The following ERICH6B variants were observed in gnomAD, a reference collection of about 807,000 sequenced individuals.
ERICH6B encodes the protein glutamate-rich protein 6B.
Under a neutral mutation model 80.0 loss-of-function variants are expected in ERICH6B, and 69 were observed. The ratio of observed to expected loss-of-function variants is 0.86; its 90% CI spans 0.71 to 1.05. The LOEUF (loss-of-function observed/expected upper bound fraction) is 1.05. ERICH6B is among the 50% of genes least tolerant of loss of function. The pLI, the probability that ERICH6B is intolerant of heterozygous loss-of-function variation, is 0.00. For synonymous variants in ERICH6B, 283 were observed against 291.9 expected, an observed-to-expected ratio of 0.97 and a Z score of 0.31; for missense variants, 754 against 796.1, an observed-to-expected ratio of 0.95 and a Z score of 0.64.
chr13:45,568,991 A>T (rs777787764), intron 8 of ERICH6B, among the ~76,000 whole-genome samples: 5 of 152,206 alleles, frequency 3.3e-5, no homozygotes, highest in Non-Finnish European at 7.3e-5. Context: ...GCATTCTACA[A>T]ATGGCCAAGC....
At chr13:45,550,845 ACC>A (rs745637428) in intron 11 of ERICH6B, among the ~76,000 whole-genome samples, 6 of 151,970 alleles carry the variant, frequency 3.9e-5, no homozygotes, top group Non-Finnish European at 7.4e-5. Flanking sequence ...TCTTAGGAGG[ACC>A]CCATATTGGA....
intron 5 of ERICH6B, among the ~76,000 whole-genome samples, chr13:45,586,124 C>T (rs536900654): frequency 1.4e-4 from 22 of 152,240 alleles, no homozygotes; most frequent in Non-Finnish European, 3.1e-4. Context: ...TCCGTGGGAG[C>T]ACACACGCTG....
chr13:45,592,019 G>A (rs919163882), intron 3 of ERICH6B, among the ~76,000 whole-genome samples: 6 of 152,130 alleles, frequency 3.9e-5, no homozygotes, highest in African/African-American at 1.2e-4. Flanking sequence ...GAGGAGAAGC[G>A]ACTAGAAGAG....
intron 2 of ERICH6B, among the ~76,000 whole-genome samples, chr13:45,604,730 G>A (rs1412852466): frequency 3.3e-5 from 5 of 151,882 alleles, no homozygotes; most frequent in Admixed American, 3.3e-4. Flanking sequence ...CCAAGAAGAA[G>A]CCTAGCTACC....
At chr13:45,549,549 C>A (rs1362201434) in intron 13 of ERICH6B, among the ~76,000 whole-genome samples, 3 of 152,172 alleles carry the variant, frequency 2.0e-5, no homozygotes, top group African/African-American at 4.8e-5. Context: ...CGTCACCAAA[C>A]CCTCCTCTCT....
At chr13:45,587,306 G>A in intron 4 of ERICH6B, 74 bp from the exon 5 acceptor site, 2 of 1,325,956 alleles carry the variant, frequency 1.5e-6, no homozygotes, top group Non-Finnish European at 2.1e-6. Flanking sequence ...AGGCATGTTA[G>A]GGGTTGAGGG....
At chr13:45,542,299 A>G (rs1337675160) in intron 14 of ERICH6B, among the ~76,000 whole-genome samples, 1 of 152,152 alleles carries the variant, frequency 6.6e-6, no homozygotes, top group African/African-American at 2.4e-5. Flanking sequence ...CCATGTAATA[A>G]CCTATGTCCA....
chr13:45,604,759 TA>T (rs890295958), intron 2 of ERICH6B, among the ~76,000 whole-genome samples: 119 of 151,490 alleles, frequency 7.9e-4, no homozygotes, highest in African/African-American at 2.5e-3. Context: ...ACCCTATCTC[TA>T]AAAAAAACCT....
At chr13:45,613,945 A>G (rs935635850) in intron 1 of ERICH6B, among the ~76,000 whole-genome samples, 11 of 152,172 alleles carry the variant, frequency 7.2e-5, no homozygotes, top group African/African-American at 2.7e-4. Flanking sequence ...GAGGTCTGGA[A>G]GGGCTGAGGA....
At position 45,544,778 on chromosome 13, in the gene ERICH6B, G is replaced by T; in HGVS notation, c.1854C>A (p.Asn618Lys). Residue 618 changes from asparagine (N) to lysine (K), a missense_variant, in exon 14 of 15, where the codon AAC (asparagine) becomes AAA (lysine). Transcript: ENST00000298738. ...FTYEQKQICL[N>K]LGTRYKFVIP... ...ACCTTACCTTGTACCTGGTGCCCAG[G>T]TTTAAACAAATCTGCTTCTGTTCAT... The T allele has an allele frequency of 6.4e-7, 1 of 1,551,700 alleles. No homozygotes were observed. Among genetic ancestry groups the T allele is most frequent in the Middle Eastern group, 1.7e-4 (1 of 5,980 alleles).
In ERICH6B at chr13:45,560,181, A is replaced by G. The variant is rs184874044; in HGVS notation, c.1407+1188T>C. Among the ~76,000 whole-genome samples, 825 of 152,356 alleles carry G rather than the reference A, an allele frequency of 5.4e-3. 4 individuals are homozygous for G. The highest frequency in any genetic ancestry group is 0.014 in the Middle Eastern group (4 of 294). On this transcript the variant is annotated intron_variant, in intron 11 of 14. Transcript: ENST00000298738. The stretch of plus-strand genomic sequence containing the variant: ...TGCTTTAAAGTTTGTTTTGTCTGAC[A>G]TAAGAATAGCTACTCCTTCTCGCTT...
chr13:45,595,756 T>A (rs574010455), intron 3 of ERICH6B, among the ~76,000 whole-genome samples: 46 of 151,084 alleles, frequency 3.0e-4, no homozygotes, highest in African/African-American at 1.1e-3. Context: ...GATCCTCCTA[T>A]CTCAGCCTCT....
intron 13 of ERICH6B, among the ~76,000 whole-genome samples, chr13:45,549,009 C>T (rs997466635): frequency 5.3e-5 from 8 of 152,086 alleles, no homozygotes; most frequent in Admixed American, 1.3e-4. Context: ...TTTGGCTGGG[C>T]GCGGTGGCTC....
intron 13 of ERICH6B, among the ~76,000 whole-genome samples, chr13:45,546,130 G>C (rs1282404894): frequency 6.6e-6 from 1 of 152,170 alleles, no homozygotes; most frequent in East Asian, 1.9e-4. Flanking sequence ...CATATTGATA[G>C]GTACAAGGGA....
In ERICH6B at chr13:45,569,272, C is replaced by T. The variant is rs149186177; in HGVS notation, c.1051-821G>A. On this transcript the variant is annotated intron_variant, in intron 8 of 14. Coordinates refer to ENST00000298738, the MANE Select transcript of ERICH6B (RefSeq NM_182542.3). ...TCCTGAGTAGCTGGGATCACAGGCACGTGCCACCATGCCCAGCTAATTTTT... is the reference window on the plus strand; with the variant it reads ...TCCTGAGTAGCTGGGATCACAGGCATGTGCCACCATGCCCAGCTAATTTTT... 2.7e-3 allele frequency among the ~76,000 whole-genome samples: 416 copies of T among 152,256 alleles called. 2 individuals carry two copies. The highest frequency in any genetic ancestry group is 9.4e-3 in the African/African-American group (392 of 41,540).
chr13:45,605,271 A>G (rs1949851136), intron 2 of ERICH6B, among the ~76,000 whole-genome samples: 1 of 152,244 alleles, frequency 6.6e-6, no homozygotes, highest in Non-Finnish European at 1.5e-5. Flanking sequence ...AATTCTGCCC[A>G]GCATCAATAT....
intron 4 of ERICH6B, 77 bp downstream of exon 4, chr13:45,590,572 G>C: frequency 7.2e-7 from 1 of 1,392,146 alleles, no homozygotes; most frequent in East Asian, 2.5e-5. Context: ...TCCCTGTCCT[G>C]TGTTCTCCAA....
intron 1 of ERICH6B, among the ~76,000 whole-genome samples, chr13:45,611,685 C>T (rs915863061): frequency 6.6e-6 from 1 of 152,200 alleles, no homozygotes; most frequent in African/African-American, 2.4e-5. Flanking sequence ...GGGGTGACCC[C>T]AGACACAGGT....
intron 8 of ERICH6B, 98 bp downstream of exon 8, chr13:45,574,744 A>C: frequency 9.9e-6 from 9 of 907,056 alleles, no homozygotes; most frequent in Non-Finnish European, 1.6e-5. Context: ...CCAGGTCCTC[A>C]GAACCCAAGA....
Sources: gnomAD v4.1 joint callset for allele counts (sites outside exome capture counted in the v4.1 genomes callset) on GRCh38, gnomAD v4.1.1 for gene constraint, MANE v1.5 for transcripts, NCBI Gene and HGNC (gene_info 2026-07-23, HGNC 2026-07-21) for gene names.